The following FHIT variants were observed in gnomAD, a reference collection of about 807,000 sequenced individuals.
FHIT encodes bis(5'-adenosyl)-triphosphatase.
In FHIT, 19 loss-of-function variants were observed where a neutral mutation model predicts 17.9. That is an observed-to-expected ratio of 1.06 (90% confidence interval 0.74 to 1.56). The LOEUF (loss-of-function observed/expected upper bound fraction) is 1.56, where lower values mean the gene tolerates loss of function less well. Ranked by LOEUF, FHIT falls within the 40% of genes most tolerant of loss-of-function variation. FHIT has a pLI of 0.00. For synonymous variants in FHIT, 81 were observed against 69.7 expected (o/e 1.16, Z -0.81); for missense variants, 248 against 189.2 (o/e 1.31, Z -1.82).
At chr3:60,896,213 G>A (rs868920471) in intron 3 of FHIT, among the ~76,000 whole-genome samples, 2 of 152,150 alleles carry the variant, frequency 1.3e-5, no homozygotes, top group African/African-American at 2.4e-5. Flanking sequence ...CTATGAAACC[G>A]GTCCCTGGTG....
At chr3:60,295,551 C>T (rs1708168931) in intron 5 of FHIT, among the ~76,000 whole-genome samples, 2 of 152,180 alleles carry the variant, frequency 1.3e-5, no homozygotes, top group South Asian at 2.1e-4. Context: ...TTGCTCATTG[C>T]TACCCGGACA....
intron 8 of FHIT, 22 bp from the exon 9 acceptor site, chr3:59,752,343 G>A (rs1700961745): frequency 1.5e-5 from 24 of 1,594,622 alleles, no homozygotes; most frequent in Non-Finnish European, 2.1e-5. Flanking sequence ...AAAAAAGGAA[G>A]AGGCTCTTTC....
At chr3:60,266,142 A>T (rs879667029) in intron 5 of FHIT, among the ~76,000 whole-genome samples, 1 of 152,232 alleles carries the variant, frequency 6.6e-6, no homozygotes, top group Non-Finnish European at 1.5e-5. Flanking sequence ...CTAAAAGTGG[A>T]AACACCCCAA....
At chr3:60,097,703 TC>T (rs1197215463) in intron 5 of FHIT, among the ~76,000 whole-genome samples, 3 of 151,804 alleles carry the variant, frequency 2.0e-5, no homozygotes, top group Non-Finnish European at 4.4e-5. Context: ...ATTAATTTTT[TC>T]TTTTTTTTAA....
At chr3:59,827,173 C>T (rs1701008007) in intron 8 of FHIT, among the ~76,000 whole-genome samples, 1 of 152,184 alleles carries the variant, frequency 6.6e-6, no homozygotes, top group African/African-American at 2.4e-5. Context: ...TACCTGCGGT[C>T]AGCATCTCAT....
intron 5 of FHIT, among the ~76,000 whole-genome samples, chr3:60,428,662 CA>C (rs1317244698): frequency 6.6e-6 from 1 of 152,082 alleles, no homozygotes; most frequent in Non-Finnish European, 1.5e-5. Context: ...AAGCAAGTGA[CA>C]GGGGTAAATG....
At chr3:61,089,564 T>TA (rs947261429) in intron 2 of FHIT, among the ~76,000 whole-genome samples, 12 of 151,436 alleles carry the variant, frequency 7.9e-5, no homozygotes, top group East Asian at 3.9e-4. Context: ...TATACTTCAG[T>TA]AAAAAAAAAT....
intron 5 of FHIT, among the ~76,000 whole-genome samples, chr3:60,128,526 A>C (rs1347316209): frequency 2.0e-5 from 3 of 152,210 alleles, no homozygotes; most frequent in Non-Finnish European, 4.4e-5. Flanking sequence ...TAGCAGCATG[A>C]AAATGGACTA....
Position 59,748,917 on chromosome 3 carries a change from T to TATCA in FHIT, c.*664_*667dup, listed in dbSNP as rs1553657698. 6.6e-6 allele frequency among the ~76,000 whole-genome samples: 1 copy of TATCA among 152,202 alleles called. No individual in the cohort carries two copies. Among genetic ancestry groups the TATCA allele is most frequent in the Non-Finnish European group, 1.5e-5 (1 of 68,032 alleles). ...TGTTATCAATTCCAGGGCTGAGCCC[T>TATCA]ATCATGTCTGCCTCTGTGCATGTTG... On this transcript the variant is annotated 3_prime_UTR_variant, in exon 10 of 10. Transcript: ENST00000492590.
chr3:60,378,640 T>C (rs976815044), intron 5 of FHIT, among the ~76,000 whole-genome samples: 6 of 152,236 alleles, frequency 3.9e-5, no homozygotes, highest in African/African-American at 1.4e-4. Flanking sequence ...AGATTTAACA[T>C]GTCAAACTAA....
rs187952417 is a variant in FHIT at position 61,233,513 on chromosome 3, C to T, written c.-213+17788G>A. On this transcript the variant is annotated intron_variant, in intron 1 of 9. Transcript: ENST00000492590. ...CATCTACCAGGTACTAGGCACTGAGCTAAATGCTGATTTAAAAGGCCAGTT... is the reference window on the plus strand; with the variant it reads ...CATCTACCAGGTACTAGGCACTGAGTTAAATGCTGATTTAAAAGGCCAGTT... Among the ~76,000 whole-genome samples the T allele has an allele frequency of 3.0e-4, 45 of 152,218 alleles. No homozygotes were observed. The South Asian group carries it at 8.9e-3, about 30-fold the overall frequency.
At chr3:60,780,504 C>T (rs1345165096) in intron 4 of FHIT, among the ~76,000 whole-genome samples, 2 of 152,126 alleles carry the variant, frequency 1.3e-5, no homozygotes, top group African/African-American at 2.4e-5. Flanking sequence ...CCTTACCCTC[C>T]CTTCATTTCG....
At chr3:60,117,766 A>T (rs1026704269) in intron 5 of FHIT, among the ~76,000 whole-genome samples, 1 of 152,016 alleles carries the variant, frequency 6.6e-6, no homozygotes, top group Non-Finnish European at 1.5e-5. Context: ...GATGAAGGTT[A>T]AGAAGATGTA....
chr3:60,684,632 A>G (rs1553697904), intron 4 of FHIT, among the ~76,000 whole-genome samples: 1 of 152,066 alleles, frequency 6.6e-6, no homozygotes, highest in Non-Finnish European at 1.5e-5. Context: ...CAAGGAGAGT[A>G]TTCAAGAGCT....
At chr3:60,167,976 A>C (rs1406912502) in intron 5 of FHIT, among the ~76,000 whole-genome samples, 1 of 152,168 alleles carries the variant, frequency 6.6e-6, no homozygotes, top group Admixed American at 6.5e-5. Flanking sequence ...GTGAGCCGTG[A>C]TCACACCAGT....
chr3:61,151,757 G>A (rs753383643), intron 2 of FHIT, among the ~76,000 whole-genome samples: 8 of 151,650 alleles, frequency 5.3e-5, no homozygotes, highest in East Asian at 3.9e-4. Context: ...CAGTAGAGAC[G>A]GGTTTTCACC....
chr3:60,049,413 A>G (rs1395548364), intron 5 of FHIT, among the ~76,000 whole-genome samples: 3 of 151,856 alleles, frequency 2.0e-5, no homozygotes, highest in African/African-American at 4.8e-5. Flanking sequence ...CTGTATCTTA[A>G]TTATGAGAAT....
At chr3:60,463,800 T>C (rs1477797453) in intron 5 of FHIT, among the ~76,000 whole-genome samples, 1 of 152,186 alleles carries the variant, frequency 6.6e-6, no homozygotes, top group African/African-American at 2.4e-5. Context: ...TTATGTAAAA[T>C]GGAGACAATC....
chr3:60,644,367 G>A (rs1240270748), intron 4 of FHIT, among the ~76,000 whole-genome samples: 2 of 152,074 alleles, frequency 1.3e-5, no homozygotes, highest in African/African-American at 4.8e-5. Flanking sequence ...GTGAAATATT[G>A]AAAATTTGAA....
Sources: gnomAD v4.1 joint callset for allele counts (sites outside exome capture counted in the v4.1 genomes callset) on GRCh38, gnomAD v4.1.1 for gene constraint, MANE v1.5 for transcripts, NCBI Gene and HGNC (gene_info 2026-07-23, HGNC 2026-07-21) for gene names.